The following TMEM116 variants were observed in gnomAD, a reference collection of about 807,000 sequenced individuals.
The protein encoded by TMEM116 is transmembrane protein 116.
A neutral mutation model predicts 44.3 loss-of-function variants in TMEM116; 38 were observed. That is an observed-to-expected ratio of 0.86 (90% CI 0.66 to 1.12). The LOEUF (loss-of-function observed/expected upper bound fraction) is 1.12, where lower values mean the gene tolerates loss of function less well. Ranked by LOEUF, TMEM116 falls within the 50% of genes most tolerant of loss-of-function variation. The pLI is 0.00. For missense variants in TMEM116, 354 were observed against 401.7 expected (o/e 0.88, Z 1.01); for synonymous variants, 132 against 144.8 (o/e 0.91, Z 0.64).
At chr12:111,932,767 A>G in intron 9 of TMEM116, 108 bp from the exon 10 acceptor site, 2 of 851,300 alleles carry the variant, frequency 2.3e-6, no homozygotes, top group South Asian at 2.9e-5. Flanking sequence ...TAGGCATAAT[A>G]AAATCCATCA....
intron 5 of TMEM116, among the ~76,000 whole-genome samples, chr12:111,941,500 A>C (rs1306893752): frequency 6.6e-6 from 1 of 152,184 alleles, no homozygotes; most frequent in African/African-American, 2.4e-5. Flanking sequence ...AATTAAAATT[A>C]ATTAAAATTA....
chr12:111,977,704 T>C (rs534457948), intron 4 of TMEM116, among the ~76,000 whole-genome samples: 12 of 152,106 alleles, frequency 7.9e-5, no homozygotes, highest in Non-Finnish European at 1.8e-4. Context: ...AGAAAAAATG[T>C]ATTGAGTGAT....
At chr12:112,006,935 C>T (rs2077611157) in intron 1 of TMEM116, among the ~76,000 whole-genome samples, 2 of 151,848 alleles carry the variant, frequency 1.3e-5, no homozygotes, top group Admixed American at 6.6e-5. Flanking sequence ...AATTACAGTC[C>T]AAAACAAAAC....
chr12:112,012,966 C>T (rs2077921176), intron 1 of TMEM116, 36 bp downstream of exon 1: 1 of 155,576 alleles, frequency 6.4e-6, no homozygotes, highest in African/African-American at 2.4e-5. Flanking sequence ...CGGAGCCTGA[C>T]TGAGAATAAC....
rs116064237 is a variant in TMEM116, at chr12:111,986,934, A to G, written c.210+4824T>C. On this transcript the variant is annotated intron_variant, in intron 4 of 10. Transcript: ENST00000552374. ...TCAAAGACTTAAATGTAAGACTAAA[A>G]CTATAAAACTCTTAAAAGAAAATAT... Among the ~76,000 whole-genome samples, 1,436 of 152,334 alleles carry G rather than the reference A, an allele frequency of 9.4e-3. 24 individuals carry two copies. The highest frequency in any genetic ancestry group is 0.033 in the African/African-American group (1,363 of 41,572).
intron 4 of TMEM116, among the ~76,000 whole-genome samples, chr12:111,986,048 A>G (rs1397803437): frequency 6.6e-6 from 1 of 152,140 alleles, no homozygotes; most frequent in African/African-American, 2.4e-5. Context: ...GACCCTGAAT[A>G]GCTAAAACAA....
chr12:111,969,460 T>A (rs913795000), intron 4 of TMEM116, among the ~76,000 whole-genome samples: 2 of 151,872 alleles, frequency 1.3e-5, no homozygotes, highest in Non-Finnish European at 2.9e-5. Context: ...AGTGGAGCGA[T>A]CTTGGCTCAC....
At chr12:112,007,659 C>A (rs891422894) in intron 1 of TMEM116, among the ~76,000 whole-genome samples, 1 of 152,178 alleles carries the variant, frequency 6.6e-6, no homozygotes, top group Non-Finnish European at 1.5e-5. Flanking sequence ...GGTGAGGAGA[C>A]TACTGACAGT....
chr12:111,954,953 C>T (rs1231832583), intron 4 of TMEM116, among the ~76,000 whole-genome samples: 4 of 152,140 alleles, frequency 2.6e-5, no homozygotes, highest in Non-Finnish European at 4.4e-5. Flanking sequence ...AGATGCAAAC[C>T]TTCTTGGAAG....
intron 4 of TMEM116, among the ~76,000 whole-genome samples, chr12:111,986,717 G>A (rs2076248393): frequency 6.6e-6 from 1 of 151,938 alleles, no homozygotes; most frequent in African/African-American, 2.4e-5. Flanking sequence ...GCTGAGGTGG[G>A]AGGATTAATT....
intron 1 of TMEM116, chr12:112,005,643 C>G: frequency 1.0e-6 from 1 of 961,076 alleles, no homozygotes; most frequent in Non-Finnish European, 1.2e-6. Flanking sequence ...AAGACGATCA[C>G]TTGAGGCCAG....
At chr12:111,949,021 C>T (rs960999498) in intron 4 of TMEM116, among the ~76,000 whole-genome samples, 1 of 110,740 alleles carries the variant, frequency 9.0e-6, no homozygotes, top group African/African-American at 3.4e-5. Flanking sequence ...GCGGGGGTGG[C>T]GGGGGTTGCT....
intron 4 of TMEM116, among the ~76,000 whole-genome samples, chr12:111,968,696 T>A (rs183693562): frequency 1.2e-4 from 19 of 152,288 alleles, no homozygotes; most frequent in African/African-American, 4.3e-4. Flanking sequence ...AAATATTTTT[T>A]AAAAACATCT....
rs559744200 is a variant in TMEM116 at position 111,940,281 on chromosome 12, T to C, written c.316-2071A>G. Among the ~76,000 whole-genome samples the C allele has an allele frequency of 7.9e-5, 12 of 151,200 alleles. No individual in the cohort carries two copies. In the South Asian group the frequency reaches 2.5e-3, roughly 31 times the overall value. ...GAGTGAGACTCTGTCTCAAAAAATA[T>C]ATATATATATGTATGTATATTTTCC... On this transcript the variant is annotated intron_variant, in intron 5 of 10. Transcript: ENST00000552374.
chr12:111,942,711 A>T (rs2072937766), intron 5 of TMEM116, among the ~76,000 whole-genome samples: 1 of 152,150 alleles, frequency 6.6e-6, no homozygotes, highest in South Asian at 2.1e-4. Flanking sequence ...GCTGAGTCAA[A>T]CCAGGCAGGA....
chr12:111,934,328 AC>A, intron 8 of TMEM116: 1 of 282,094 alleles, frequency 3.5e-6, no homozygotes, highest in Non-Finnish European at 6.7e-6. Context: ...ATCACAGTTT[AC>A]CCAGGAAGTT....
chr12:112,004,461 AT>A (rs1429578570), intron 2 of TMEM116, among the ~76,000 whole-genome samples: 3 of 151,280 alleles, frequency 2.0e-5, no homozygotes, highest in African/African-American at 7.3e-5. Flanking sequence ...ATGTTTTAAA[AT>A]TTTTTGTAGA....
In TMEM116 at chr12:111,931,585, A is replaced by G; in HGVS notation, c.*36T>C. ...ATTCTTTCCAATCCATTAGCGTAGA[A>G]TAACTCCAGTTCCTGGATGTTCCAG... On this transcript the variant is annotated 3_prime_UTR_variant, in exon 11 of 11. Coordinates refer to ENST00000552374, the MANE Select transcript of TMEM116 (RefSeq NM_001193531.2). The G allele has an allele frequency of 6.3e-7, 1 of 1,585,208 alleles. No homozygotes were observed. Among genetic ancestry groups the G allele is most frequent in the Non-Finnish European group, 8.7e-7 (1 of 1,153,918 alleles).
At chr12:111,955,992 G>A (rs2074061732) in intron 4 of TMEM116, among the ~76,000 whole-genome samples, 1 of 152,148 alleles carries the variant, frequency 6.6e-6, no homozygotes, top group African/African-American at 2.4e-5. Flanking sequence ...AGAATGTATT[G>A]CTGTCGTTAA....
Sources: gnomAD v4.1 joint callset for allele counts (sites outside exome capture counted in the v4.1 genomes callset) on GRCh38, gnomAD v4.1.1 for gene constraint, MANE v1.5 for transcripts, NCBI Gene and HGNC (gene_info 2026-07-23, HGNC 2026-07-21) for gene names.